Variants in SEMA5A observed in about 807,000 individuals in gnomAD.
SEMA5A encodes the protein semaphorin 5A, also known as semaphorin-5A.
SEMA5A carries 55 observed loss-of-function variants against 135.5 expected under a neutral mutation model. That is an observed-to-expected ratio of 0.41 (90% confidence interval 0.33 to 0.51). The LOEUF is 0.51. Ranked by LOEUF, SEMA5A falls within the 20% of genes least tolerant of loss-of-function variation. The pLI, the probability that SEMA5A is intolerant of heterozygous loss-of-function variation, is 0.37. For missense variants in SEMA5A, 1,290 were observed against 1,419.9 expected, an observed-to-expected ratio of 0.91 and a Z score of 1.47; for synonymous variants, 580 against 546.5, an observed-to-expected ratio of 1.06 and a Z score of -0.85.
chr5:9,452,610 C>A (rs1282978093), intron 1 of SEMA5A, among the ~76,000 whole-genome samples: 1 of 152,170 alleles, frequency 6.6e-6, no homozygotes, highest in Non-Finnish European at 1.5e-5. Context: ...GCAAATACAG[C>A]TGCATTTTTT....
chr5:9,399,439 T>C (rs2126559601), intron 2 of SEMA5A, among the ~76,000 whole-genome samples: 1 of 152,216 alleles, frequency 6.6e-6, no homozygotes, highest in East Asian at 1.9e-4. Context: ...AGAATATAGA[T>C]TAGTGATTGC....
At chr5:9,461,071 T>C (rs1427023829) in intron 1 of SEMA5A, among the ~76,000 whole-genome samples, 2 of 152,206 alleles carry the variant, frequency 1.3e-5, no homozygotes, top group African/African-American at 4.8e-5. Context: ...CTCACTGTAA[T>C]TTACATCATT....
At chr5:9,359,213 A>G (rs192240999) in intron 3 of SEMA5A, among the ~76,000 whole-genome samples, 4 of 152,348 alleles carry the variant, frequency 2.6e-5, no homozygotes, top group Non-Finnish European at 4.4e-5. Flanking sequence ...CAGGCCAGGA[A>G]TCTAGCCTCT....
At chr5:9,517,772 T>C (rs951734043) in intron 1 of SEMA5A, 8 of 152,192 alleles carry the variant, frequency 5.3e-5, no homozygotes, top group Non-Finnish European at 1.0e-4. Context: ...CAAAAGCATC[T>C]AAGGGCTGTG....
intron 11 of SEMA5A, among the ~76,000 whole-genome samples, chr5:9,188,327 C>G (rs1314311560): frequency 1.3e-5 from 2 of 152,206 alleles, no homozygotes; most frequent in Non-Finnish European, 2.9e-5. Flanking sequence ...GCCACCCAGT[C>G]TATGGTAATT....
intron 1 of SEMA5A, among the ~76,000 whole-genome samples, chr5:9,493,318 T>C (rs1450024255): frequency 6.6e-6 from 1 of 151,124 alleles, no homozygotes; most frequent in Non-Finnish European, 1.5e-5. Flanking sequence ...AAACATTATA[T>C]ATATATAAGC....
chr5:9,079,653 G>A (rs1231171454), intron 16 of SEMA5A, among the ~76,000 whole-genome samples: 1 of 151,940 alleles, frequency 6.6e-6, no homozygotes, highest in Non-Finnish European at 1.5e-5. Context: ...TCTGACAAAG[G>A]GCTAATATCC....
chr5:9,091,354 A>T (rs1430984387), intron 16 of SEMA5A, among the ~76,000 whole-genome samples: 1 of 152,202 alleles, frequency 6.6e-6, no homozygotes, highest in Non-Finnish European at 1.5e-5. Flanking sequence ...GTTATACTGT[A>T]GATGTACCCA....
intron 8 of SEMA5A, among the ~76,000 whole-genome samples, chr5:9,202,832 A>G (rs1006587667): frequency 1.3e-5 from 2 of 152,076 alleles, no homozygotes; most frequent in African/African-American, 4.8e-5. Flanking sequence ...TTCTGTTGCT[A>G]TGGTGACCAT....
At chr5:9,520,444 G>A (rs1736762293) in intron 1 of SEMA5A, among the ~76,000 whole-genome samples, 2 of 152,164 alleles carry the variant, frequency 1.3e-5, no homozygotes, top group South Asian at 2.1e-4. Flanking sequence ...GAAGGACAGG[G>A]CACTGGGGCG....
At chr5:9,048,082 C>T (rs1739409777) in intron 21 of SEMA5A, among the ~76,000 whole-genome samples, 1 of 151,388 alleles carries the variant, frequency 6.6e-6, no homozygotes, top group African/African-American at 2.4e-5. Context: ...AATGGGAACA[C>T]TTATAAACTC....
intron 11 of SEMA5A, among the ~76,000 whole-genome samples, chr5:9,166,127 A>G (rs1743593321): frequency 6.6e-6 from 1 of 152,164 alleles, no homozygotes; most frequent in Non-Finnish European, 1.5e-5. Context: ...TTAAAATCAC[A>G]AAGTATTAAT....
At chr5:9,206,963 T>C (rs1013630251) in intron 8 of SEMA5A, among the ~76,000 whole-genome samples, 1 of 147,842 alleles carries the variant, frequency 6.8e-6, no homozygotes, top group African/African-American at 2.5e-5. Context: ...GTACAGGCAT[T>C]TTCCAGCCTG....
chr5:9,097,667 G>T (rs1417015091), intron 16 of SEMA5A, among the ~76,000 whole-genome samples: 1 of 152,216 alleles, frequency 6.6e-6, no homozygotes, highest in African/African-American at 2.4e-5. Context: ...ACAGGTTTCA[G>T]ATTGGGATCC....
intron 4 of SEMA5A, among the ~76,000 whole-genome samples, chr5:9,318,860 T>C (rs1752502317): frequency 6.6e-6 from 1 of 152,222 alleles, no homozygotes; most frequent in South Asian, 2.1e-4. Flanking sequence ...AGGTTCACAG[T>C]ACTCTACCTT....
chr5:9,285,145 C>T (rs1276906348), intron 5 of SEMA5A, among the ~76,000 whole-genome samples: 1 of 152,224 alleles, frequency 6.6e-6, no homozygotes, highest in African/African-American at 2.4e-5. Flanking sequence ...CGTCATTCCA[C>T]AGTCTCTTTT....
At chr5:9,318,079 A>G in intron 5 of SEMA5A, among the ~76,000 whole-genome samples, 1 of 152,230 alleles carries the variant, frequency 6.6e-6, no homozygotes. Flanking sequence ...GAATGTGTCC[A>G]GGCTTTGAAG....
rs985857103 is a variant in SEMA5A, at chr5:9,039,634, A to C, written c.*3263T>G. ...TGAGATGCCTCATGTAAGTCACAAG[A>C]AGCAGCAGCATAGAAATATGCTCAG... On this transcript the variant is annotated 3_prime_UTR_variant, in exon 23 of 23. Coordinates refer to ENST00000382496, the MANE Select transcript of SEMA5A (RefSeq NM_003966.3). 6.6e-6 allele frequency: 1 copy of C among 152,236 alleles called. No homozygotes were observed. Among genetic ancestry groups the C allele is most frequent in the African/African-American group, 2.4e-5 (1 of 41,416 alleles). The allele number at this position is 152,236 out of a possible 1,614,324, so 9.4% of individuals were successfully genotyped here.
At chr5:9,303,310 G>A (rs1751704719) in intron 5 of SEMA5A, among the ~76,000 whole-genome samples, 2 of 152,064 alleles carry the variant, frequency 1.3e-5, no homozygotes, top group East Asian at 3.9e-4. Flanking sequence ...TAGAGGTGGG[G>A]TTTCACCGTG....
Sources: gnomAD v4.1 joint callset for allele counts (sites outside exome capture counted in the v4.1 genomes callset) on GRCh38, gnomAD v4.1.1 for gene constraint, MANE v1.5 for transcripts, NCBI Gene and HGNC (gene_info 2026-07-23, HGNC 2026-07-21) for gene names.